The following WDR82 variants were observed in gnomAD, a reference collection of about 807,000 sequenced individuals.
WDR82 encodes WD repeat-containing protein 82.
A neutral mutation model predicts 36.1 loss-of-function variants in WDR82; 8 were observed. The ratio of observed to expected loss-of-function variants is 0.22; its 90% CI spans 0.13 to 0.40. The LOEUF (loss-of-function observed/expected upper bound fraction) is 0.40, where lower values mean the gene tolerates loss of function less well. Among genes scored for constraint, WDR82 ranks in the 10% least tolerant of loss-of-function variants. The pLI is 1.00. For synonymous variants in WDR82, 129 were observed against 137.8 expected (o/e 0.94, Z 0.45); for missense variants, 185 against 400.5 (o/e 0.46, Z 4.59).
chr3:52,270,267 G>A (rs1473071763), intron 2 of WDR82, among the ~76,000 whole-genome samples: 3 of 152,136 alleles, frequency 2.0e-5, no homozygotes, highest in African/African-American at 7.2e-5. Flanking sequence ...TTATAGGCGT[G>A]CACCACTGTG....
chr3:52,275,102 T>A (rs1000282813), intron 1 of WDR82, among the ~76,000 whole-genome samples: 2 of 151,806 alleles, frequency 1.3e-5, no homozygotes, highest in African/African-American at 4.8e-5. Flanking sequence ...ATGCCTGTAA[T>A]CCCAGCTACT....
chr3:52,267,056 A>G, intron 2 of WDR82, 38 bp from the exon 3 acceptor site: 1 of 1,478,506 alleles, frequency 6.8e-7, no homozygotes, highest in Non-Finnish European at 9.4e-7. Context: ...ATATCATACT[A>G]TTTAAAAGAA....
intron 5 of WDR82, 118 bp downstream of exon 5, chr3:52,260,267 T>G: frequency 1.5e-6 from 1 of 650,088 alleles, no homozygotes; most frequent in Non-Finnish European, 2.5e-6. Flanking sequence ...AGGCAGAGGT[T>G]GCAGTGAGCT....
In WDR82 at chr3:52,257,382, G is replaced by A; in HGVS notation, c.*108C>T. On this transcript the variant is annotated 3_prime_UTR_variant, in exon 9 of 9. Coordinates refer to ENST00000296490, the MANE Select transcript of WDR82 (RefSeq NM_025222.4). ...CCATGGGAAGGCCATGTAAAAGGAT[G>A]TTCTCCAGCCCAGTCAAATGATCCA... is the stretch of plus-strand genomic sequence containing the variant. The A allele has an allele frequency of 6.8e-7, 1 of 1,475,960 alleles. No homozygotes were observed. The highest frequency in any genetic ancestry group is 9.5e-7 in the Non-Finnish European group (1 of 1,058,138). 91.4% of individuals were successfully genotyped at this position (1,475,960 alleles called of 1,614,324 possible).
intron 2 of WDR82, chr3:52,268,489 GCAC>G (rs1037733381): frequency 5.9e-5 from 20 of 338,950 alleles, no homozygotes; most frequent in African/African-American, 4.2e-4. Flanking sequence ...GCCTCATCTT[GCAC>G]CACATTTGGA....
In WDR82 at chr3:52,259,838, C is replaced by T. The variant is rs1329234718; in HGVS notation, c.578G>A (p.Arg193Gln). ...PFATFKMQYD[R>Q]TCEWTGLKFS... The stretch of plus-strand genomic sequence containing the variant: ...TTTAAGTCCTGTCCACTCACAAGTT[C>T]GATCATACTGCATCTTAAAGGTAGC... The change falls in exon 6 of 9, where the codon CGA becomes CAA. Residue 193 changes from arginine (R) to glutamine (Q), a missense_variant. Coordinates refer to ENST00000296490, the MANE Select transcript of WDR82 (RefSeq NM_025222.4). 3.1e-6 allele frequency: 5 copies of T among 1,613,890 alleles called. No homozygotes were observed. Among genetic ancestry groups the T allele is most frequent in the Admixed American group, 1.7e-5 (1 of 59,996 alleles).
At chr3:52,278,071 C>A in intron 1 of WDR82, 130 bp downstream of exon 1, 1 of 933,494 alleles carries the variant, frequency 1.1e-6, no homozygotes. Context: ...GGGGTGGAGG[C>A]GGCCCTGGCA....
At chr3:52,271,009 G>A (rs559348187) in intron 1 of WDR82, among the ~76,000 whole-genome samples, 200 bp from the exon 2 acceptor site, 1 of 152,332 alleles carries the variant, frequency 6.6e-6, no homozygotes, top group Admixed American at 6.5e-5. Flanking sequence ...TTCCACCTTA[G>A]AACACCTAGT....
intron 8 of WDR82, 146 bp from the exon 9 acceptor site, chr3:52,257,665 A>G (rs1700023320): frequency 1.2e-6 from 1 of 800,946 alleles, no homozygotes. Flanking sequence ...CCGATGCTCT[A>G]AGGAGACAGA....
At position 52,278,382 on chromosome 3, in the gene WDR82, G is replaced by C; in HGVS notation, c.-21C>G. The C allele has an allele frequency of 1.3e-6, 2 of 1,504,002 alleles. No homozygotes were observed. Among genetic ancestry groups the C allele is most frequent in the South Asian group, 2.5e-5 (2 of 81,378 alleles). The allele number at this position is 1,504,002 out of a possible 1,614,324, so 93.2% of individuals were successfully genotyped here. A position where few individuals can be genotyped will look rare whatever the true frequency, so the allele number is the denominator to read the frequency against. Reference sequence around the variant, plus strand: ...TTCATGGCGGCGGCTGGGGAAGGCAGCGGCGGCGCAGGGCCGGGGCGGGGC... The same window carrying C: ...TTCATGGCGGCGGCTGGGGAAGGCACCGGCGGCGCAGGGCCGGGGCGGGGC... On this transcript the variant is annotated 5_prime_UTR_variant, in exon 1 of 9. Coordinates refer to ENST00000296490, the MANE Select transcript of WDR82 (RefSeq NM_025222.4).
chr3:52,278,344 G>C lies in WDR82; in HGVS notation c.18C>G (p.Ser6Arg), dbSNP rs370530777. The stretch of plus-strand genomic sequence containing the variant: ...TAGCGACGCGGAAGCTCCGCAACAC[G>C]CTGTCGGTCAGCTTCATGGCGGCGG... The part of the protein sequence containing the change: MKLTD[S>R]VLRSFRVAKV... Residue 6 changes from serine to arginine, a missense_variant, in exon 1 of 9, where the codon AGC becomes AGG. Ser to Arg is a moderately radical substitution (Grantham distance 110, BLOSUM62 -1). Transcript: ENST00000296490. 3 of 1,583,754 alleles carry C rather than the reference G, an allele frequency of 1.9e-6. No homozygotes were observed. The African/African-American group carries it at 4.1e-5, about 22-fold the overall frequency.
chr3:52,274,523 C>T (rs1047997674), intron 1 of WDR82, among the ~76,000 whole-genome samples: 1 of 152,108 alleles, frequency 6.6e-6, no homozygotes, highest in Admixed American at 6.6e-5. Flanking sequence ...TATAAGCATG[C>T]TATTGCACTC....
At chr3:52,272,422 T>C (rs1183214561) in intron 1 of WDR82, among the ~76,000 whole-genome samples, 2 of 151,856 alleles carry the variant, frequency 1.3e-5, no homozygotes, top group Admixed American at 1.3e-4. Flanking sequence ...CCCACGCCTG[T>C]AGTCCCAGCT....
At chr3:52,272,648 A>T (rs1004633116) in intron 1 of WDR82, among the ~76,000 whole-genome samples, 1 of 152,238 alleles carries the variant, frequency 6.6e-6, no homozygotes. Flanking sequence ...AAAAAACAGG[A>T]AAGCCTTTAA....
intron 3 of WDR82, among the ~76,000 whole-genome samples, chr3:52,262,548 CAGT>C (rs1266470780): frequency 1.3e-5 from 2 of 152,274 alleles, no homozygotes; most frequent in Non-Finnish European, 2.9e-5. Flanking sequence ...GCCTCTAATC[CAGT>C]AGGCCTGACT....
chr3:52,260,947 G>A (rs1700055905), intron 4 of WDR82, among the ~76,000 whole-genome samples: 1 of 152,188 alleles, frequency 6.6e-6, no homozygotes, highest in African/African-American at 2.4e-5. Context: ...CCAACATGGA[G>A]AAACCCCGTC....
At chr3:52,271,946 C>T (rs1291691626) in intron 1 of WDR82, among the ~76,000 whole-genome samples, 2 of 151,942 alleles carry the variant, frequency 1.3e-5, no homozygotes, top group Non-Finnish European at 2.9e-5. Context: ...AAAAATTAGC[C>T]GGGTGTGGTG....
rs1188522738 is a variant in WDR82, at chr3:52,255,299, A to T, written c.*2191T>A. On this transcript the variant is annotated 3_prime_UTR_variant, in exon 9 of 9. Coordinates refer to ENST00000296490, the MANE Select transcript of WDR82 (RefSeq NM_025222.4). ...TCAGTTTTGGACACACAGGAACTCA[A>T]ATACAATCATTTTCCTGCTGCTAAG... 1 of 152,108 alleles carries T rather than the reference A, an allele frequency of 6.6e-6. No individual in the cohort carries two copies. Among genetic ancestry groups the T allele is most frequent in the African/African-American group, 2.4e-5 (1 of 41,404 alleles). 9.4% of individuals were successfully genotyped at this position (152,108 alleles called of 1,614,324 possible). A position where few individuals can be genotyped will look rare whatever the true frequency, so the allele number is the denominator to read the frequency against.
chr3:52,264,497 T>C (rs1206694185), intron 3 of WDR82, among the ~76,000 whole-genome samples: 1 of 152,084 alleles, frequency 6.6e-6, no homozygotes, highest in East Asian at 1.9e-4. Context: ...CCATAGACGA[T>C]TCTGGGACTA....
Sources: gnomAD v4.1 joint callset for allele counts (sites outside exome capture counted in the v4.1 genomes callset) on GRCh38, gnomAD v4.1.1 for gene constraint, MANE v1.5 for transcripts, NCBI Gene and HGNC (gene_info 2026-07-23, HGNC 2026-07-21) for gene names.